NFIB: variants seen among roughly 807,000 people sequenced by gnomAD.
NFIB encodes the protein nuclear factor 1 B-type.
In NFIB, 11 loss-of-function variants were observed where a neutral mutation model predicts 61.5. The ratio of observed to expected loss-of-function variants is 0.18; its 90% CI spans 0.11 to 0.30. The LOEUF (loss-of-function observed/expected upper bound fraction) is 0.30. NFIB is among the 10% of genes least tolerant of loss of function. The pLI, the probability that NFIB is intolerant of heterozygous loss-of-function variation, is 1.00. For missense variants in NFIB, 471 were observed against 608.9 expected, an observed-to-expected ratio of 0.77 and a Z score of 2.38; for synonymous variants, 260 against 216.5, an observed-to-expected ratio of 1.20 and a Z score of -1.76.
chr9:14,252,180 G>A (rs966253640), intron 2 of NFIB, among the ~76,000 whole-genome samples: 1 of 152,136 alleles, frequency 6.6e-6, no homozygotes. Flanking sequence ...TCTTCCTCCA[G>A]AAGAAAATAC....
chr9:14,303,380 T>G (rs564162102), intron 2 of NFIB, among the ~76,000 whole-genome samples: 1 of 152,188 alleles, frequency 6.6e-6, no homozygotes, highest in East Asian at 1.9e-4. Flanking sequence ...CTGGTTTTTG[T>G]TTGGTTTTGT....
At chr9:14,245,464 G>GAA (rs1040061984) in intron 2 of NFIB, among the ~76,000 whole-genome samples, 87 of 145,294 alleles carry the variant, frequency 6.0e-4, no homozygotes, top group African/African-American at 1.9e-3. Flanking sequence ...AAACAAAACA[G>GAA]AAAAAAAAAA....
chr9:14,495,438 G>A, the NFIB span, among the ~76,000 whole-genome samples: 1 of 93,402 alleles, frequency 1.1e-5, no homozygotes, highest in African/African-American at 5.5e-5. Flanking sequence ...GAAGAGAAGA[G>A]AAATGAACTT....
In NFIB at chr9:14,275,774, C is replaced by T. The variant is rs78209155; in HGVS notation, c.562+31215G>A. Among the ~76,000 whole-genome samples the T allele has an allele frequency of 3.6e-3, 549 of 152,122 alleles. 2 individuals carry two copies. Among genetic ancestry groups the T allele is most frequent in the African/African-American group, 0.013 (527 of 41,514 alleles). On this transcript the variant is annotated intron_variant, in intron 2 of 10. Coordinates refer to ENST00000380953, the MANE Select transcript of NFIB (RefSeq NM_001190737.2). ...AAATGGCACTAAAAATAGATAAATA[C>T]GGCAGTAAGAACTAAGTCCCTCCTC...
chr9:14,248,741 G>A (rs1297756612), intron 2 of NFIB, among the ~76,000 whole-genome samples: 1 of 152,176 alleles, frequency 6.6e-6, no homozygotes, highest in Admixed American at 6.5e-5. Flanking sequence ...TTCAGCAACA[G>A]GTTCAGGGGT....
intron 3 of NFIB, among the ~76,000 whole-genome samples, chr9:14,169,813 T>C (rs1259622132): frequency 6.6e-6 from 1 of 152,084 alleles, no homozygotes; most frequent in Non-Finnish European, 1.5e-5. Context: ...GCAAGACTCC[T>C]TCTCAAACAA....
At chr9:14,373,641 A>AGTGTGTGT (rs56764067) in intron 1 of NFIB, among the ~76,000 whole-genome samples, 28 of 143,248 alleles carry the variant, frequency 2.0e-4, no homozygotes, top group Admixed American at 4.3e-4. Flanking sequence ...TGTCCACATG[A>AGTGTGTGT]GTGTGTGTGT....
At chr9:14,413,645 G>C in the NFIB span, among the ~76,000 whole-genome samples, 3 of 152,256 alleles carry the variant, frequency 2.0e-5, no homozygotes, top group African/African-American at 7.2e-5. Flanking sequence ...AATAGAATTT[G>C]GGAATGCTTG....
the NFIB span, among the ~76,000 whole-genome samples, chr9:14,488,925 T>C: frequency 0.021 from 3,240 of 152,282 alleles, 114 homozygotes; most frequent in African/African-American, 0.074. Context: ...TTGAGAAGCT[T>C]TGTTAGCAGC....
intron 2 of NFIB, among the ~76,000 whole-genome samples, chr9:14,306,382 T>C (rs906909487): frequency 6.6e-6 from 1 of 152,218 alleles, no homozygotes; most frequent in African/African-American, 2.4e-5. Context: ...CGACAGTGAA[T>C]ATTGCACAAT....
At chr9:14,511,525 ATGAGT>A in the NFIB span, among the ~76,000 whole-genome samples, 81,520 of 151,192 alleles carry the variant, frequency 0.54, 22,513 homozygotes, top group Non-Finnish European at 0.62. Context: ...TGTTAATTGT[ATGAGT>A]TAAGTACTCA....
chr9:14,403,752 T>A (rs907763544), upstream of NFIB, among the ~76,000 whole-genome samples: 6 of 152,192 alleles, frequency 3.9e-5, no homozygotes, highest in African/African-American at 1.4e-4. Context: ...AATATTGTCA[T>A]GTAATATCAG....
chr9:14,392,853 G>C (rs1295254392), intron 1 of NFIB, among the ~76,000 whole-genome samples: 1 of 152,184 alleles, frequency 6.6e-6, no homozygotes, highest in Admixed American at 6.5e-5. Context: ...ACTATTATTG[G>C]TTAGCATTAT....
chr9:14,352,873 C>T (rs548763476), intron 1 of NFIB, among the ~76,000 whole-genome samples: 200 of 152,254 alleles, frequency 1.3e-3, no homozygotes, highest in African/African-American at 4.3e-3. Context: ...TGAAAGAGTA[C>T]GTTTTTGACA....
In NFIB at chr9:14,224,359, C is replaced by T. The variant is rs141199231; in HGVS notation, c.563-44579G>A. 1.6e-3 allele frequency among the ~76,000 whole-genome samples: 251 copies of T among 152,262 alleles called. 3 individuals are homozygous for T. The highest frequency in any genetic ancestry group is 5.8e-3 in the African/African-American group (239 of 41,560). Reference sequence around the variant, plus strand: ...ATCACTAAAACATAACAGCTAAGAACTAAAGAGAATATTTAGATTGAAAGT... The same window carrying T: ...ATCACTAAAACATAACAGCTAAGAATTAAAGAGAATATTTAGATTGAAAGT... On this transcript the variant is annotated intron_variant, in intron 2 of 10. Transcript: ENST00000380953.
At chr9:14,259,480 A>G (rs2056540243) in intron 2 of NFIB, among the ~76,000 whole-genome samples, 1 of 152,204 alleles carries the variant, frequency 6.6e-6, no homozygotes, top group African/African-American at 2.4e-5. Flanking sequence ...AAAAGATCCT[A>G]TGGCTGAGTC....
At chr9:14,100,851 C>G (rs1397101433) in intron 10 of NFIB, among the ~76,000 whole-genome samples, 1 of 152,184 alleles carries the variant, frequency 6.6e-6, no homozygotes, top group African/African-American at 2.4e-5. Flanking sequence ...GTTCGCATAG[C>G]TATAGGTGCA....
intron 2 of NFIB, among the ~76,000 whole-genome samples, chr9:14,276,872 T>A (rs1163371492): frequency 2.6e-5 from 4 of 151,982 alleles, no homozygotes; most frequent in South Asian, 2.1e-4. Flanking sequence ...TGTGCTTTTT[T>A]AAAAAGTACA....
intron 1 of NFIB, among the ~76,000 whole-genome samples, chr9:14,312,117 G>A (rs1326589538): frequency 6.6e-6 from 1 of 152,140 alleles, no homozygotes; most frequent in African/African-American, 2.4e-5. Flanking sequence ...ATACTCAGAT[G>A]CCAAACAAAA....
Sources: allele counts gnomAD v4.1 joint callset (sites outside exome capture counted in the v4.1 genomes callset), GRCh38; gene constraint gnomAD v4.1.1; transcripts MANE v1.5; gene names NCBI Gene and HGNC (gene_info 2026-07-23, HGNC 2026-07-21).